Variants in SWAP70 observed in about 807,000 individuals in gnomAD.
SWAP70 encodes the protein switching B cell complex subunit SWAP70.
SWAP70 carries 34 observed loss-of-function variants against 80.2 expected under a neutral mutation model. The ratio of observed to expected loss-of-function variants is 0.42; its 90% CI spans 0.32 to 0.56. The LOEUF (loss-of-function observed/expected upper bound fraction) is 0.56. Ranked by LOEUF, SWAP70 falls within the 20% of genes least tolerant of loss-of-function variation. SWAP70 has a pLI of 0.09. For synonymous variants in SWAP70, 239 were observed against 238.5 expected (o/e 1.00, Z -0.02); for missense variants, 578 against 690.7 (o/e 0.84, Z 1.83).
At chr11:9,735,057 T>G (rs78784678) in intron 7 of SWAP70, among the ~76,000 whole-genome samples, 8,007 of 152,288 alleles carry the variant, frequency 0.053, 248 homozygotes, top group Non-Finnish European at 0.065. Context: ...CTTAAAGAAT[T>G]TACTTAAATT....
At position 9,713,547 on chromosome 11, in the gene SWAP70, C is replaced by G. The variant is rs368837103; in HGVS notation, c.322C>G (p.Leu108Val). Reference sequence around the variant, plus strand: ...CAAAAAAAACCTCACAAAGAATCCCCTGCTCATTACAGAAGAAGATGCATT... The same window carrying G: ...CAAAAAAAACCTCACAAAGAATCCCGTGCTCATTACAGAAGAAGATGCATT... Reference protein sequence around the residue: ...CVKKNLTKNPLLITEEDAFKI... With the variant: ...CVKKNLTKNPVLITEEDAFKI... The change falls in exon 3 of 12, where the codon CTG becomes GTG. Residue 108 changes from leucine (L) to valine (V), a missense_variant. By Grantham distance (32) the Leu-to-Val change is conservative. Coordinates refer to ENST00000318950, the MANE Select transcript of SWAP70 (RefSeq NM_015055.4). The G allele has an allele frequency of 6.2e-7, 1 of 1,614,036 alleles. No individual in the cohort carries two copies. The highest frequency in any genetic ancestry group is 1.3e-5 in the African/African-American group (1 of 75,038).
intron 1 of SWAP70, among the ~76,000 whole-genome samples, chr11:9,673,344 GA>G (rs1850444578): frequency 6.6e-6 from 1 of 152,182 alleles, no homozygotes; most frequent in African/African-American, 2.4e-5. Context: ...CAAATAGACA[GA>G]TGAAGAGAGA....
At chr11:9,673,500 T>C (rs1344658444) in intron 1 of SWAP70, among the ~76,000 whole-genome samples, 1 of 152,154 alleles carries the variant, frequency 6.6e-6, no homozygotes, top group Non-Finnish European at 1.5e-5. Flanking sequence ...CCGTCTCTTA[T>C]GGAGACTTTA....
At chr11:9,740,450 C>A in intron 9 of SWAP70, 103 bp downstream of exon 9, 1 of 1,236,476 alleles carries the variant, frequency 8.1e-7, no homozygotes, top group Non-Finnish European at 1.2e-6. Context: ...AGTGTCTCTG[C>A]TCTGGCTGTG....
intron 1 of SWAP70, among the ~76,000 whole-genome samples, chr11:9,669,947 G>A (rs1328142315): frequency 2.6e-5 from 4 of 152,074 alleles, no homozygotes; most frequent in Non-Finnish European, 5.9e-5. Context: ...GGCCAACGTG[G>A]CAAAACCCTG....
chr11:9,700,910 A>G (rs376489488), intron 2 of SWAP70, among the ~76,000 whole-genome samples: 1 of 152,050 alleles, frequency 6.6e-6, no homozygotes, highest in African/African-American at 2.4e-5. Context: ...GGTGTTCCTT[A>G]GTGTTCATTT....
intron 1 of SWAP70, 71 bp downstream of exon 1, chr11:9,664,349 C>T (rs951589329): frequency 1.4e-6 from 2 of 1,475,356 alleles, no homozygotes; most frequent in African/African-American, 1.4e-5. Flanking sequence ...TGGGTGGAAG[C>T]GGGACCTGGC....
intron 10 of SWAP70, among the ~76,000 whole-genome samples, chr11:9,748,609 A>T (rs939704363): frequency 6.6e-6 from 1 of 152,246 alleles, no homozygotes; most frequent in African/African-American, 2.4e-5. Context: ...TGAGTGCCAC[A>T]GGAGCCGCTG....
At chr11:9,728,934 A>G (rs1851260408) in intron 5 of SWAP70, among the ~76,000 whole-genome samples, 1 of 152,198 alleles carries the variant, frequency 6.6e-6, no homozygotes, top group Non-Finnish European at 1.5e-5. Flanking sequence ...CAGCCACAAC[A>G]TTCCAAGTGC....
Position 9,749,918 on chromosome 11 carries a change from C to A in SWAP70, c.1706C>A (p.Ala569Glu), listed in dbSNP as rs2133822193. 1 of 1,613,992 alleles carries A rather than the reference C, an allele frequency of 6.2e-7. No homozygotes were observed. ...TNWGPAAFTE[A>E]ELEEREKNWK... The stretch of plus-strand genomic sequence containing the variant: ...TGGGGACCTGCAGCTTTCACTGAGG[C>A]AGAACTTGAAGAGAGAGAGAAGAAC... Residue 569 changes from alanine (A) to glutamate (E), a missense_variant, in exon 12 of 12, where the codon GCA becomes GAA. Ala to Glu is a moderately radical substitution (Grantham distance 107, BLOSUM62 -1). Transcript: ENST00000318950.
intron 1 of SWAP70, among the ~76,000 whole-genome samples, chr11:9,672,193 G>GTC (rs1195187291): frequency 3.7e-4 from 7 of 18,896 alleles, no homozygotes; most frequent in African/African-American, 1.0e-3. Flanking sequence ...ATATGTGTGT[G>GTC]TCTATATATA....
intron 1 of SWAP70, among the ~76,000 whole-genome samples, chr11:9,680,495 A>G (rs1414862873): frequency 6.6e-6 from 1 of 152,114 alleles, no homozygotes; most frequent in Non-Finnish European, 1.5e-5. Context: ...GGCTCACTGC[A>G]ACCTCCGCCT....
intron 1 of SWAP70, among the ~76,000 whole-genome samples, chr11:9,679,266 C>CA (rs1310973544): frequency 2.0e-5 from 3 of 152,130 alleles, no homozygotes; most frequent in African/African-American, 7.2e-5. Context: ...GTTATGTGGG[C>CA]ATGGTGTATC....
At chr11:9,681,781 G>A (rs1371025202) in intron 1 of SWAP70, among the ~76,000 whole-genome samples, 1 of 152,206 alleles carries the variant, frequency 6.6e-6, no homozygotes, top group African/African-American at 2.4e-5. Context: ...GAGGACATGA[G>A]GAGTTAGCTC....
At chr11:9,698,971 A>G (rs967106209) in intron 2 of SWAP70, among the ~76,000 whole-genome samples, 4 of 152,048 alleles carry the variant, frequency 2.6e-5, no homozygotes, top group Middle Eastern at 3.2e-3. Context: ...GTTATTAACT[A>G]TAGTTATCAT....
chr11:9,720,597 A>C, intron 3 of SWAP70: 1 of 538,676 alleles, frequency 1.9e-6, no homozygotes, highest in Non-Finnish European at 2.4e-6. Flanking sequence ...GTGGCTATAC[A>C]CATGTGCTTC....
At chr11:9,724,473 A>G (rs1027097974) in intron 3 of SWAP70, among the ~76,000 whole-genome samples, 185 bp from the exon 4 acceptor site, 1 of 152,220 alleles carries the variant, frequency 6.6e-6, no homozygotes, top group Non-Finnish European at 1.5e-5. Context: ...TTCTGCACTA[A>G]TACAGACCAG....
intron 1 of SWAP70, among the ~76,000 whole-genome samples, chr11:9,669,129 G>T (rs1016546567): frequency 3.3e-5 from 5 of 152,186 alleles, no homozygotes; most frequent in Non-Finnish European, 5.9e-5. Context: ...AGGAAGAAGC[G>T]ATTTCTTCTC....
chr11:9,751,190 A>C lies in SWAP70; in HGVS notation c.*1220A>C, dbSNP rs533460071. 9.2e-5 allele frequency: 14 copies of C among 152,372 alleles called. No individual in the cohort carries two copies. The highest frequency in any genetic ancestry group is 1.8e-4 in the Non-Finnish European group (12 of 68,032). 9.4% of individuals were successfully genotyped at this position (152,372 alleles called of 1,614,324 possible). On this transcript the variant is annotated 3_prime_UTR_variant, in exon 12 of 12. Transcript: ENST00000318950. ...ACATCATAAAGATGATAGCATGTCA[A>C]TATATTAGCCTAGCCATTATGTTAG...
Sources: gnomAD v4.1 joint callset for allele counts (sites outside exome capture counted in the v4.1 genomes callset) on GRCh38, gnomAD v4.1.1 for gene constraint, MANE v1.5 for transcripts, NCBI Gene and HGNC (gene_info 2026-07-23, HGNC 2026-07-21) for gene names.